The following NFIB variants were observed in gnomAD, a reference collection of about 807,000 sequenced individuals.
NFIB encodes the protein nuclear factor 1 B-type.
NFIB carries 11 observed loss-of-function variants against 61.5 expected under a neutral mutation model. That is an observed-to-expected ratio of 0.18 (90% CI 0.11 to 0.30). NFIB has a LOEUF of 0.30. Ranked by LOEUF, NFIB falls within the 10% of genes least tolerant of loss-of-function variation. The pLI is 1.00. For synonymous variants in NFIB, 260 were observed against 216.5 expected, an observed-to-expected ratio of 1.20 and a Z score of -1.76; for missense variants, 471 against 608.9, an observed-to-expected ratio of 0.77 and a Z score of 2.38.
the NFIB span, among the ~76,000 whole-genome samples, chr9:14,514,322 A>G: frequency 3.2e-5 from 4 of 124,860 alleles, no homozygotes; most frequent in East Asian, 4.3e-4. Flanking sequence ...ACATACATAC[A>G]TACATACACA....
At chr9:14,509,701 T>C in the NFIB span, among the ~76,000 whole-genome samples, 328 of 152,054 alleles carry the variant, frequency 2.2e-3, 1 homozygote, top group African/African-American at 7.6e-3. Context: ...GAAACAACCA[T>C]CCCACCCCTG....
intron 2 of NFIB, among the ~76,000 whole-genome samples, chr9:14,247,310 A>G (rs2055044898): frequency 1.3e-5 from 2 of 152,214 alleles, no homozygotes; most frequent in African/African-American, 2.4e-5. Flanking sequence ...ATCTCTCAAA[A>G]GCTTAACACT....
Position 14,307,943 on chromosome 9 carries a change from AT to A in NFIB, c.31-424del, listed in dbSNP as rs112524482. 3.6e-3 allele frequency: 552 copies of A among 152,062 alleles called. No individual in the cohort carries two copies. Among genetic ancestry groups the A allele is most frequent in the East Asian group, 0.013 (65 of 5,188 alleles). 9.4% of individuals were successfully genotyped at this position (152,062 alleles called of 1,614,324 possible). A position where few individuals can be genotyped will look rare whatever the true frequency, so the allele number is the denominator to read the frequency against. On this transcript the variant is annotated intron_variant, in intron 1 of 10. Transcript: ENST00000380953. This position sits in a 1 kb window ranked among gnomAD's most constrained non-coding sequence, Gnocchi z 5.3. ...ACCATTTTACAAAGAACACAGTGAGATTTTTTTTTTTTAATCGGAGTAGAGC... is the reference window on the plus strand; with the variant it reads ...ACCATTTTACAAAGAACACAGTGAGATTTTTTTTTTTAATCGGAGTAGAGC...
At chr9:14,159,191 T>C (rs146793456) in intron 3 of NFIB, among the ~76,000 whole-genome samples, 166 of 152,258 alleles carry the variant, frequency 1.1e-3, no homozygotes, top group African/African-American at 3.5e-3. Context: ...ACAATGACTA[T>C]TGCAGCTATT....
intron 2 of NFIB, among the ~76,000 whole-genome samples, chr9:14,250,043 C>G (rs1034137389): frequency 1.3e-5 from 2 of 152,162 alleles, no homozygotes; most frequent in Non-Finnish European, 2.9e-5. Context: ...TCTCTTTCTT[C>G]TTTTCTTGAT....
intron 2 of NFIB, among the ~76,000 whole-genome samples, chr9:14,259,535 T>TGG (rs1563952482): frequency 6.6e-6 from 1 of 152,134 alleles, no homozygotes; most frequent in African/African-American, 2.4e-5. Context: ...CATGGGCCCA[T>TGG]GGGGCTTAGA....
At chr9:14,315,581 C>G (rs1047629490), upstream of NFIB, among the ~76,000 whole-genome samples, 5 of 144,990 alleles carry the variant, frequency 3.4e-5, no homozygotes, top group Admixed American at 3.4e-4. Context: ...CTGCAGCCCT[C>G]CAGAGGCTGC....
chr9:14,195,216 A>T (rs1004597309), intron 2 of NFIB, among the ~76,000 whole-genome samples: 2 of 152,204 alleles, frequency 1.3e-5, no homozygotes, highest in African/African-American at 4.8e-5. Flanking sequence ...CCTACAGAGA[A>T]TTTAAACCGC....
the NFIB span, among the ~76,000 whole-genome samples, chr9:14,524,155 A>G: frequency 2.0e-5 from 3 of 152,276 alleles, no homozygotes; most frequent in South Asian, 6.2e-4. Flanking sequence ...GGGCTAGTAA[A>G]TAAGATGTGG....
chr9:14,269,918 A>T (rs2057478606), intron 2 of NFIB, among the ~76,000 whole-genome samples: 1 of 152,216 alleles, frequency 6.6e-6, no homozygotes, highest in Non-Finnish European at 1.5e-5. Context: ...AGGAAGTTGA[A>T]CTGAATAAAA....
intron 2 of NFIB, among the ~76,000 whole-genome samples, chr9:14,235,386 GA>G (rs550951407): frequency 2.1e-3 from 315 of 152,268 alleles, no homozygotes; most frequent in African/African-American, 7.5e-3. Context: ...CCTTAGTGCT[GA>G]AGGCCTCAGC....
intron 2 of NFIB, among the ~76,000 whole-genome samples, chr9:14,296,013 C>G (rs1008603492): frequency 1.3e-5 from 2 of 152,220 alleles, no homozygotes; most frequent in Admixed American, 1.3e-4. Context: ...TAGCTAACTT[C>G]ATGTGCCTAC....
At position 14,313,539 on chromosome 9, in the gene NFIB, G is replaced by C; in HGVS notation, c.-28C>G. On this transcript the variant is annotated 5_prime_UTR_variant, in exon 1 of 11. Coordinates refer to ENST00000380953, the MANE Select transcript of NFIB (RefSeq NM_001190737.2). This position sits in a 1 kb window ranked among gnomAD's most constrained non-coding sequence, Gnocchi z 4.5. The stretch of plus-strand genomic sequence containing the variant: ...CTTCGCCTTAAAACGCACTTTCCGG[G>C]AGATGCCCAAGAAAATCTTCGAGAA... 6.2e-7 allele frequency: 1 copy of C among 1,613,328 alleles called. No homozygotes were observed.
At chr9:14,381,697 T>C (rs1377007976) in intron 1 of NFIB, among the ~76,000 whole-genome samples, 5 of 152,274 alleles carry the variant, frequency 3.3e-5, no homozygotes, top group Middle Eastern at 3.4e-3. Context: ...AATAATATAA[T>C]TGGGATTTGG....
intron 1 of NFIB, among the ~76,000 whole-genome samples, chr9:14,392,357 C>G (rs559534938): frequency 6.6e-6 from 1 of 152,214 alleles, no homozygotes. Flanking sequence ...ATAATCAGGA[C>G]AACAGAGTGG....
At chr9:14,499,091 A>T in the NFIB span, among the ~76,000 whole-genome samples, 135 of 151,570 alleles carry the variant, frequency 8.9e-4, no homozygotes, top group Middle Eastern at 6.8e-3. Context: ...TGTGTGTGTG[A>T]GAGAGAGAGA....
intron 1 of NFIB, among the ~76,000 whole-genome samples, chr9:14,381,022 C>T (rs961941959): frequency 1.0e-4 from 14 of 137,478 alleles, no homozygotes; most frequent in Non-Finnish European, 2.0e-4. Flanking sequence ...TGCAGTGAGC[C>T]GAGATCGCGC....
rs1329239096 is a variant in NFIB at position 14,113,007 on chromosome 9, G to C, written c.1459C>G (p.Gln487Glu). The C allele has an allele frequency of 1.3e-6, 2 of 1,550,296 alleles. No individual in the cohort carries two copies. The highest frequency in any genetic ancestry group is 2.0e-5 in the Admixed American group (1 of 50,994). ...LSPRDPSFLH[Q>E]QQSWYLG Reference sequence around the variant, plus strand: ...GGGTGAAACTTGCCCACCTGTTGCTGATGTAGGAAGGATGGGTCTCTTGGG... The same window carrying C: ...GGGTGAAACTTGCCCACCTGTTGCTCATGTAGGAAGGATGGGTCTCTTGGG... The change falls in exon 10 of 11, where the codon CAG (glutamine) becomes GAG (glutamate). Residue 487 changes from glutamine to glutamate, a missense_variant. Physicochemically the swap from Gln to Glu is conservative, Grantham distance 29. This residue lies in a region of NFIB where 372 missense variants were observed against 395.6 expected (regional missense o/e 0.94). Transcript: ENST00000380953.
intron 2 of NFIB, among the ~76,000 whole-genome samples, chr9:14,295,326 T>G (rs1311927246): frequency 6.6e-6 from 1 of 152,158 alleles, no homozygotes; most frequent in Non-Finnish European, 1.5e-5. Context: ...AGCATGCTTT[T>G]TTAAGGACAA....
Sources: allele counts gnomAD v4.1 joint callset (sites outside exome capture counted in the v4.1 genomes callset), GRCh38; gene constraint gnomAD v4.1.1; regional missense constraint gnomAD v4.1.1; non-coding constraint Gnocchi (gnomAD v3.1); transcripts MANE v1.5; gene names NCBI Gene and HGNC (gene_info 2026-07-23, HGNC 2026-07-21).